TSPAN5: variants seen among roughly 807,000 people sequenced by gnomAD.
TSPAN5 encodes the protein tetraspanin-5.
In TSPAN5, 10 loss-of-function variants were observed where a neutral mutation model predicts 37.1. That is an observed-to-expected ratio of 0.27 (90% CI 0.17 to 0.46). The LOEUF (loss-of-function observed/expected upper bound fraction) is 0.46, where lower values mean the gene tolerates loss of function less well. Ranked by LOEUF, TSPAN5 falls within the 20% of genes least tolerant of loss-of-function variation. The pLI is 1.00. For missense variants in TSPAN5, 195 were observed against 326.6 expected, an observed-to-expected ratio of 0.60 and a Z score of 3.11; for synonymous variants, 110 against 118.9, an observed-to-expected ratio of 0.93 and a Z score of 0.48.
intron 1 of TSPAN5, among the ~76,000 whole-genome samples, chr4:98,535,222 G>A (rs140859990): frequency 0.046 from 7,062 of 152,164 alleles, 218 homozygotes; most frequent in Admixed American, 0.062. Context: ...TGTAAGGCAC[G>A]CCTGGTGGTG....
intron 1 of TSPAN5, among the ~76,000 whole-genome samples, chr4:98,608,953 G>A (rs887280093): frequency 1.3e-5 from 2 of 152,104 alleles, no homozygotes; most frequent in Non-Finnish European, 2.9e-5. Context: ...ACTAACACAT[G>A]GCACTTATTT....
At chr4:98,567,565 G>A (rs987750361) in intron 1 of TSPAN5, among the ~76,000 whole-genome samples, 12 of 152,146 alleles carry the variant, frequency 7.9e-5, no homozygotes, top group African/African-American at 2.7e-4. Flanking sequence ...TCAGTGGTTC[G>A]GAGATGTGGC....
At chr4:98,581,090 G>A (rs1755360774) in intron 1 of TSPAN5, among the ~76,000 whole-genome samples, 2 of 152,178 alleles carry the variant, frequency 1.3e-5, no homozygotes. Flanking sequence ...GGCACTGAGA[G>A]GCCCACCATG....
intron 1 of TSPAN5, among the ~76,000 whole-genome samples, chr4:98,614,907 C>A (rs1756285358): frequency 2.0e-5 from 3 of 152,202 alleles, no homozygotes; most frequent in Non-Finnish European, 4.4e-5. Context: ...CCATCGCAGC[C>A]AACAGCTGCT....
chr4:98,630,304 T>C (rs1242870850), intron 1 of TSPAN5, among the ~76,000 whole-genome samples: 3 of 152,156 alleles, frequency 2.0e-5, no homozygotes, highest in Non-Finnish European at 4.4e-5. Context: ...GAAAACAACA[T>C]GGCACATGTT....
At chr4:98,604,992 C>G (rs1034612971) in intron 1 of TSPAN5, among the ~76,000 whole-genome samples, 12 of 152,266 alleles carry the variant, frequency 7.9e-5, no homozygotes, top group African/African-American at 2.9e-4. Context: ...AGATCCCAAA[C>G]TGAATTCACT....
chr4:98,525,627 A>T (rs1414408102), intron 1 of TSPAN5, among the ~76,000 whole-genome samples: 1 of 152,150 alleles, frequency 6.6e-6, no homozygotes. Context: ...CCCAGGCTGG[A>T]GTGCAGTGGT....
chr4:98,638,921 C>T (rs1579048647), intron 1 of TSPAN5, among the ~76,000 whole-genome samples: 2 of 152,216 alleles, frequency 1.3e-5, no homozygotes, highest in East Asian at 1.9e-4. Context: ...AGCGTGCATC[C>T]AGCTGAGGAA....
chr4:98,502,670 C>T (rs1753380823), intron 2 of TSPAN5, among the ~76,000 whole-genome samples: 2 of 152,132 alleles, frequency 1.3e-5, no homozygotes, highest in Non-Finnish European at 2.9e-5. Context: ...TACCATCTAT[C>T]TACAAAGACA....
intron 1 of TSPAN5, among the ~76,000 whole-genome samples, chr4:98,630,305 G>T (rs893644333): frequency 6.6e-6 from 1 of 152,104 alleles, no homozygotes; most frequent in Admixed American, 6.5e-5. Context: ...AAAACAACAT[G>T]GCACATGTTC....
At chr4:98,495,494 T>C (rs2110273640) in intron 2 of TSPAN5, among the ~76,000 whole-genome samples, 1 of 137,680 alleles carries the variant, frequency 7.3e-6, no homozygotes, top group South Asian at 2.3e-4. Context: ...ACTGCGAAAC[T>C]GCACTACAGC....
intron 3 of TSPAN5, chr4:98,485,269 G>A (rs1752935455): frequency 6.6e-6 from 1 of 152,578 alleles, no homozygotes; most frequent in Non-Finnish European, 1.5e-5. Flanking sequence ...AAGCCAAGAA[G>A]ACTGGCAGGT....
chr4:98,489,660 C>T (rs1753044807), intron 2 of TSPAN5, among the ~76,000 whole-genome samples: 1 of 152,148 alleles, frequency 6.6e-6, no homozygotes, highest in African/African-American at 2.4e-5. Flanking sequence ...CCGCTGTGCT[C>T]CTGATCCAGC....
chr4:98,476,652 TA>T (rs951063590), intron 5 of TSPAN5, among the ~76,000 whole-genome samples, 192 bp from the exon 6 acceptor site: 3 of 152,182 alleles, frequency 2.0e-5, no homozygotes, highest in African/African-American at 4.8e-5. Context: ...AAGTAGGTAT[TA>T]AAATATGCCC....
In TSPAN5 at chr4:98,536,051, C is replaced by G. The variant is rs755532055; in HGVS notation, c.82-28323G>C. Among the ~76,000 whole-genome samples the G allele has an allele frequency of 8.5e-5, 13 of 152,202 alleles. 1 individual carries two copies. Among genetic ancestry groups the G allele is most frequent in the Admixed American group, 3.9e-4 (6 of 15,284 alleles). ...TCTGTCAATTCGTCAAACTCATTCT[C>G]CATCCAGTTTTGTTCCCTTGCTGGT... On this transcript the variant is annotated intron_variant, in intron 1 of 7. Coordinates refer to ENST00000305798, the MANE Select transcript of TSPAN5 (RefSeq NM_005723.4).
intron 1 of TSPAN5, among the ~76,000 whole-genome samples, chr4:98,521,658 T>G (rs1460439993): frequency 1.3e-5 from 2 of 152,202 alleles, no homozygotes; most frequent in Non-Finnish European, 2.9e-5. Flanking sequence ...CAGAAGAGTT[T>G]GGTGTCTTAG....
chr4:98,507,952 G>T (rs567478205), intron 1 of TSPAN5, among the ~76,000 whole-genome samples: 1 of 152,294 alleles, frequency 6.6e-6, no homozygotes, highest in East Asian at 1.9e-4. Context: ...AAGTCATTCA[G>T]ATTATGAAGA....
chr4:98,503,445 G>A (rs1753402043), intron 2 of TSPAN5, among the ~76,000 whole-genome samples: 1 of 152,092 alleles, frequency 6.6e-6, no homozygotes, highest in South Asian at 2.1e-4. Flanking sequence ...AAACTCAGAA[G>A]GAACCAGGCC....
At chr4:98,626,216 G>A (rs1579040216) in intron 1 of TSPAN5, among the ~76,000 whole-genome samples, 1 of 150,088 alleles carries the variant, frequency 6.7e-6, no homozygotes, top group Non-Finnish European at 1.5e-5. Flanking sequence ...CATCACTCAC[G>A]AACAGCCCAG....
Sources: gnomAD v4.1 joint callset for allele counts (sites outside exome capture counted in the v4.1 genomes callset) on GRCh38, gnomAD v4.1.1 for gene constraint, MANE v1.5 for transcripts, NCBI Gene and HGNC (gene_info 2026-07-23, HGNC 2026-07-21) for gene names.